The following CBFB variants were observed in gnomAD, a reference collection of about 807,000 sequenced individuals.
CBFB encodes the protein core-binding factor subunit beta.
In CBFB, 9 loss-of-function variants were observed where a neutral mutation model predicts 30.4. The ratio of observed to expected loss-of-function variants is 0.30; its 90% CI spans 0.18 to 0.52. The LOEUF is 0.52. Ranked by LOEUF, CBFB falls within the 20% of genes least tolerant of loss-of-function variation. The probability of loss-of-function intolerance (pLI) is 0.97; values close to 1 mark genes in which losing one functional copy is unlikely to be tolerated. For missense variants in CBFB, 170 were observed against 244.0 expected, an observed-to-expected ratio of 0.70 and a Z score of 2.02; for synonymous variants, 94 against 84.0, an observed-to-expected ratio of 1.12 and a Z score of -0.65.
intron 5 of CBFB, among the ~76,000 whole-genome samples, chr16:67,093,016 T>C (rs572695144): frequency 6.6e-6 from 1 of 152,264 alleles, no homozygotes; most frequent in East Asian, 1.9e-4. Flanking sequence ...TGCAGTCTTA[T>C]AGCCCACTGC....
chr16:67,066,744 T>A lies in CBFB; in HGVS notation c.345T>A (p.Asp115Glu). ...GTGTTATCTGGAAAGGCTGGATTGA[T>A]CTCCAAAGACTGGATGGTATGGGCT... ...GVCVIWKGWI[D>E]LQRLDGMGCL... The change falls in exon 4 of 6, where the codon GAT becomes GAA. Residue 115 changes from aspartate to glutamate, a missense_variant. Physicochemically the swap from Asp to Glu is conservative, Grantham distance 45. Transcript: ENST00000412916. 6.2e-7 allele frequency: 1 copy of A among 1,610,950 alleles called. No homozygotes were observed. Among genetic ancestry groups the A allele is most frequent in the Non-Finnish European group, 8.5e-7 (1 of 1,179,118 alleles).
chr16:67,056,766 C>G (rs919233868), intron 3 of CBFB, among the ~76,000 whole-genome samples: 2 of 151,532 alleles, frequency 1.3e-5, no homozygotes, highest in Admixed American at 6.6e-5. Flanking sequence ...ACTGCAACTT[C>G]GGCTTCCCGG....
chr16:67,084,931 C>G (rs185853635), intron 5 of CBFB, among the ~76,000 whole-genome samples: 1 of 152,282 alleles, frequency 6.6e-6, no homozygotes, highest in East Asian at 1.9e-4. Context: ...AGTAATAATC[C>G]TGCCTGTCTC....
chr16:67,088,253 A>G (rs1961783575), intron 5 of CBFB, among the ~76,000 whole-genome samples: 1 of 151,922 alleles, frequency 6.6e-6, no homozygotes, highest in South Asian at 2.1e-4. Context: ...TTTTTTTTCC[A>G]TCCATAAAAA....
At chr16:67,059,256 C>A (rs1389347667) in intron 3 of CBFB, among the ~76,000 whole-genome samples, 2 of 152,294 alleles carry the variant, frequency 1.3e-5, no homozygotes, top group East Asian at 1.9e-4. Context: ...GACTTAGGTT[C>A]TTCCTTTGAT....
intron 5 of CBFB, among the ~76,000 whole-genome samples, chr16:67,095,373 C>T (rs980983538): frequency 1.3e-5 from 2 of 152,052 alleles, no homozygotes; most frequent in Admixed American, 6.6e-5. Context: ...AAAAATTAGC[C>T]AGGTGTGGTG....
chr16:67,089,420 A>G (rs541069455), intron 5 of CBFB, among the ~76,000 whole-genome samples: 26 of 152,194 alleles, frequency 1.7e-4, no homozygotes, highest in Non-Finnish European at 3.4e-4. Flanking sequence ...TTCACTGTGT[A>G]TCTTCTGTAC....
At chr16:67,042,272 C>T (rs780754523) in intron 3 of CBFB, among the ~76,000 whole-genome samples, 2 of 152,102 alleles carry the variant, frequency 1.3e-5, no homozygotes, top group Non-Finnish European at 2.9e-5. Flanking sequence ...TTTTCTGCCT[C>T]TGTCTCTTGA....
intron 5 of CBFB, among the ~76,000 whole-genome samples, chr16:67,086,814 G>C (rs1332724689): frequency 2.0e-5 from 3 of 152,112 alleles, no homozygotes; most frequent in Non-Finnish European, 4.4e-5. Flanking sequence ...CAGTCTTGTG[G>C]GAAAATGATG....
At chr16:67,074,171 A>G (rs1961319565) in intron 4 of CBFB, among the ~76,000 whole-genome samples, 1 of 150,424 alleles carries the variant, frequency 6.6e-6, no homozygotes, top group Non-Finnish European at 1.5e-5. Flanking sequence ...AGGTCAGTAC[A>G]CCATCAGTTA....
chr16:67,062,395 C>T (rs1960937265), intron 3 of CBFB, among the ~76,000 whole-genome samples: 1 of 151,444 alleles, frequency 6.6e-6, no homozygotes, highest in African/African-American at 2.4e-5. Context: ...TTTCGAACTC[C>T]TGACCTCAGG....
chr16:67,047,852 TG>T (rs1220973615), intron 3 of CBFB, among the ~76,000 whole-genome samples: 10 of 152,016 alleles, frequency 6.6e-5, no homozygotes, highest in Non-Finnish European at 1.5e-4. Context: ...GTGGATCGCC[TG>T]GGGTTAGGAG....
intron 2 of CBFB, among the ~76,000 whole-genome samples, chr16:67,034,146 T>C (rs1477566311): frequency 3.9e-5 from 6 of 152,136 alleles, no homozygotes; most frequent in African/African-American, 1.4e-4. Context: ...CCAATTCTTA[T>C]GTAGTTAAGA....
At chr16:67,031,686 T>C (rs1022543580) in intron 2 of CBFB, among the ~76,000 whole-genome samples, 2 of 152,126 alleles carry the variant, frequency 1.3e-5, no homozygotes, top group African/African-American at 4.8e-5. Flanking sequence ...AATTTTTTTG[T>C]ATTTTTAGTA....
intron 4 of CBFB, among the ~76,000 whole-genome samples, chr16:67,075,612 C>T (rs1038303036): frequency 6.6e-6 from 1 of 152,088 alleles, no homozygotes; most frequent in African/African-American, 2.4e-5. Flanking sequence ...TACTCCAAGG[C>T]ATGATGGCAA....
intron 3 of CBFB, among the ~76,000 whole-genome samples, chr16:67,048,704 C>A (rs1236293884): frequency 3.9e-5 from 6 of 151,942 alleles, no homozygotes; most frequent in African/African-American, 1.5e-4. Context: ...GAGCCCGCCA[C>A]CACGCCTGGC....
intron 4 of CBFB, among the ~76,000 whole-genome samples, chr16:67,073,958 G>A (rs527742246): frequency 2.0e-5 from 3 of 152,034 alleles, no homozygotes; most frequent in South Asian, 4.1e-4. Flanking sequence ...GAACCCAGGA[G>A]GCGGAGCTTG....
intron 3 of CBFB, among the ~76,000 whole-genome samples, chr16:67,051,110 G>A (rs1966730972): frequency 6.6e-6 from 1 of 152,152 alleles, no homozygotes; most frequent in Admixed American, 6.6e-5. Context: ...GGGGACTACT[G>A]TACTTGATGC....
intron 2 of CBFB, among the ~76,000 whole-genome samples, chr16:67,031,718 G>A (rs1267792708): frequency 6.6e-6 from 1 of 151,986 alleles, no homozygotes; most frequent in Admixed American, 6.6e-5. Flanking sequence ...TCACCATCTT[G>A]GCCAGGCTTG....
Sources: allele counts gnomAD v4.1 joint callset (sites outside exome capture counted in the v4.1 genomes callset), GRCh38; gene constraint gnomAD v4.1.1; transcripts MANE v1.5; gene names NCBI Gene and HGNC (gene_info 2026-07-23, HGNC 2026-07-21).